The following DNAI1 variants were observed in gnomAD, a reference collection of about 807,000 sequenced individuals.
The protein encoded by DNAI1 is dynein axonemal intermediate chain 1, also known as dynein, axonemal, intermediate polypeptide 1.
A neutral mutation model predicts 92.0 loss-of-function variants in DNAI1; 67 were observed. That is an observed-to-expected ratio of 0.73 (90% CI 0.60 to 0.89). The LOEUF is 0.89. Ranked by LOEUF, DNAI1 falls within the 40% of genes least tolerant of loss-of-function variation. DNAI1 has a pLI of 0.00. For synonymous variants in DNAI1, 323 were observed against 319.6 expected, an observed-to-expected ratio of 1.01 and a Z score of -0.11; for missense variants, 839 against 866.6, an observed-to-expected ratio of 0.97 and a Z score of 0.40.
At chr9:34,491,841 G>A (rs748589251) in intron 8 of DNAI1, among the ~76,000 whole-genome samples, 8 of 152,188 alleles carry the variant, frequency 5.3e-5, no homozygotes, top group Non-Finnish European at 1.2e-4. Context: ...ATGACCAGGG[G>A]AGAACATTTG....
At chr9:34,512,488 T>C in intron 15 of DNAI1, 64 bp downstream of exon 15, 2 of 1,490,120 alleles carry the variant, frequency 1.3e-6, no homozygotes, top group Non-Finnish European at 9.3e-7. Context: ...TGAGGGTCAG[T>C]GACAGTGGTC....
intron 1 of DNAI1, among the ~76,000 whole-genome samples, chr9:34,481,989 A>T (rs908002211): frequency 6.6e-6 from 1 of 152,194 alleles, no homozygotes; most frequent in African/African-American, 2.4e-5. Flanking sequence ...GGTAGAGCCG[A>T]GTGGCCTGTT....
At position 34,506,624 on chromosome 9, in the gene DNAI1, T is replaced by C. The variant is rs1276722734; in HGVS notation, c.1064-3T>C. 1.2e-6 allele frequency: 2 copies of C among 1,613,958 alleles called. No individual in the cohort carries two copies. The highest frequency in any genetic ancestry group is 1.7e-6 in the Non-Finnish European group (2 of 1,180,024). On this transcript the variant is annotated splice_region_variant and splice_polypyrimidine_tract_variant and intron_variant, in intron 12 of 19. Coordinates refer to ENST00000242317, the MANE Select transcript of DNAI1 (RefSeq NM_012144.4). The stretch of plus-strand genomic sequence containing the variant: ...ACCTCAGCCGCCCATCTTCCCTGGG[T>C]AGATGACTTCATGAAGCAGAGCCGG...
At chr9:34,480,340 C>T (rs377428991) in intron 1 of DNAI1, among the ~76,000 whole-genome samples, 63 of 132,220 alleles carry the variant, frequency 4.8e-4, no homozygotes, top group African/African-American at 1.5e-3. Flanking sequence ...GTCCAGTGTG[C>T]GATCTTGGCT....
chr9:34,476,829 T>G (rs1824246031), intron 1 of DNAI1, among the ~76,000 whole-genome samples: 2 of 152,176 alleles, frequency 1.3e-5, no homozygotes, highest in African/African-American at 4.8e-5. Flanking sequence ...TTGGGGCATA[T>G]CTAACCACTG....
rs1248881804 is a variant in DNAI1, at chr9:34,514,626, C to G, written c.1719-14C>G. 1.2e-6 allele frequency: 2 copies of G among 1,614,238 alleles called. No individual in the cohort carries two copies. The highest frequency in any genetic ancestry group is 1.6e-4 in the Middle Eastern group (1 of 6,062). On this transcript the variant is annotated splice_polypyrimidine_tract_variant and intron_variant, in intron 17 of 19. Transcript: ENST00000242317. ...CCCTCTGTGCCATGGGCTTTCCACC[C>G]TCCACCTCTGCAGGACCCCGATGTT...
intron 13 of DNAI1, among the ~76,000 whole-genome samples, chr9:34,508,527 T>G (rs902771338): frequency 6.6e-5 from 10 of 152,132 alleles, no homozygotes; most frequent in Admixed American, 6.5e-4. Flanking sequence ...GTAGAAACTT[T>G]AAAACTCAGG....
chr9:34,470,781 C>T (rs1824121645), intron 1 of DNAI1, among the ~76,000 whole-genome samples: 1 of 152,120 alleles, frequency 6.6e-6, no homozygotes, highest in East Asian at 1.9e-4. Flanking sequence ...AAACTACGCC[C>T]AAGAACTGCA....
At chr9:34,504,199 C>A (rs1213588108) in intron 12 of DNAI1, among the ~76,000 whole-genome samples, 1 of 152,210 alleles carries the variant, frequency 6.6e-6, no homozygotes, top group Non-Finnish European at 1.5e-5. Flanking sequence ...CAATGTCAGG[C>A]TCTGAGTCCC....
At chr9:34,459,436 TTCTTTC>T (rs1351933664) in intron 1 of DNAI1, among the ~76,000 whole-genome samples, 32 of 148,072 alleles carry the variant, frequency 2.2e-4, no homozygotes, top group South Asian at 4.2e-4. Flanking sequence ...CTTTTTCTTT[TTCTTTC>T]TTTCTTTCTT....
At position 34,514,435 on chromosome 9, in the gene DNAI1, C is replaced by A. The variant is rs199502666; in HGVS notation, c.1611C>A (p.Asp537Glu). Residue 537 changes from aspartate (D) to glutamate (E), a missense_variant, in exon 17 of 20, where the codon GAC (aspartate) becomes GAA (glutamate). Physicochemically the swap from Asp to Glu is conservative, Grantham distance 45 (BLOSUM62 2). Transcript: ENST00000242317. Reference protein sequence around the residue: ...SYSSQFLDTYDAHNMSVDTVS... With the variant: ...SYSSQFLDTYEAHNMSVDTVS... ...CCAGCCAATTCCTCGACACCTATGA[C>A]GCCCACAACATGTCAGTGGACACTG... is the stretch of plus-strand genomic sequence containing the variant. 6.2e-7 allele frequency: 1 copy of A among 1,614,126 alleles called. No individual in the cohort carries two copies. The highest frequency in any genetic ancestry group is 1.7e-5 in the Admixed American group (1 of 60,010).
intron 1 of DNAI1, among the ~76,000 whole-genome samples, chr9:34,481,904 C>A (rs1824366275): frequency 6.6e-6 from 1 of 152,204 alleles, no homozygotes; most frequent in Admixed American, 6.5e-5. Context: ...TGGAAGGGGA[C>A]CCGAGCAGGT....
chr9:34,514,817 A>G, intron 18 of DNAI1, 78 bp downstream of exon 18: 1 of 1,468,976 alleles, frequency 6.8e-7, no homozygotes, highest in Non-Finnish European at 9.5e-7. Context: ...CTGATGGAGA[A>G]CCCATCCCAT....
At chr9:34,475,729 A>G (rs1172154898) in intron 1 of DNAI1, among the ~76,000 whole-genome samples, 1 of 152,216 alleles carries the variant, frequency 6.6e-6, no homozygotes, top group Non-Finnish European at 1.5e-5. Flanking sequence ...CTGGGGTCAT[A>G]AAACTATTAG....
Position 34,520,916 on chromosome 9 carries a change from C to A in DNAI1, c.*160C>A. 3 of 747,190 alleles carry A rather than the reference C, an allele frequency of 4.0e-6. No individual in the cohort carries two copies. Among genetic ancestry groups the A allele is most frequent in the Admixed American group, 2.1e-5 (1 of 48,242 alleles). The allele number at this position is 747,190 out of a possible 1,614,324, so 46.3% of individuals were successfully genotyped here. On this transcript the variant is annotated 3_prime_UTR_variant, in exon 20 of 20. Coordinates refer to ENST00000242317, the MANE Select transcript of DNAI1 (RefSeq NM_012144.4). ...TGTTCCTTAAGGTCCCAGCACCTTA[C>A]CCCAGGACTTGGTCTTCAACCACCA...
chr9:34,487,352 A>AT (rs2132059300), intron 4 of DNAI1, among the ~76,000 whole-genome samples: 1 of 151,782 alleles, frequency 6.6e-6, no homozygotes, highest in African/African-American at 2.4e-5. Context: ...CACCCGGCTA[A>AT]TTTTTTGTAT....
Position 34,497,131 on chromosome 9 carries a change from A to G in DNAI1, c.833A>G (p.Lys278Arg). 6.2e-7 allele frequency: 1 copy of G among 1,614,064 alleles called. No homozygotes were observed. Among genetic ancestry groups the G allele is most frequent in the Non-Finnish European group, 8.5e-7 (1 of 1,179,924 alleles). The change falls in exon 10 of 20, where the codon AAA (lysine) becomes AGA (arginine). Residue 278 changes from lysine to arginine, a missense_variant. Transcript: ENST00000242317. ...TCCCCACAGACTGATGATCTCATCA[A>G]ATTGTCCCAAGCTGCTAAGATCATG... Reference protein sequence around the residue: ...SMESQTDDLIKLSQAAKIMER... With the variant: ...SMESQTDDLIRLSQAAKIMER...
At chr9:34,501,259 C>T (rs779031305) in intron 12 of DNAI1, 78 bp downstream of exon 12, 13 of 1,234,060 alleles carry the variant, frequency 1.1e-5, no homozygotes, top group South Asian at 2.4e-5. Flanking sequence ...GAACTCTTTG[C>T]CAGTTGTAAG....
At chr9:34,489,544 G>A in intron 5 of DNAI1, 95 bp downstream of exon 5, 1 of 1,461,888 alleles carries the variant, frequency 6.8e-7, no homozygotes, top group Non-Finnish European at 9.5e-7. Flanking sequence ...GAACTTTTCA[G>A]AGCTTCTGCT....
Sources: gnomAD v4.1 joint callset for allele counts (sites outside exome capture counted in the v4.1 genomes callset) on GRCh38, gnomAD v4.1.1 for gene constraint, MANE v1.5 for transcripts, NCBI Gene and HGNC (gene_info 2026-07-23, HGNC 2026-07-21) for gene names.